Variants in ARGLU1 observed in about 807,000 individuals in gnomAD.
ARGLU1 encodes arginine and glutamate rich 1.
A neutral mutation model predicts 37.6 loss-of-function variants in ARGLU1; 9 were observed. The ratio of observed to expected loss-of-function variants is 0.24; its 90% CI spans 0.14 to 0.42. The LOEUF (loss-of-function observed/expected upper bound fraction) is 0.42. Ranked by LOEUF, ARGLU1 falls within the 10% of genes least tolerant of loss-of-function variation. The pLI is 1.00. For missense variants in ARGLU1, 211 were observed against 359.2 expected, an observed-to-expected ratio of 0.59 and a Z score of 3.34; for synonymous variants, 166 against 138.5, an observed-to-expected ratio of 1.20 and a Z score of -1.39.
chr13:106,545,049 C>T (rs1253023613), intron 3 of ARGLU1, among the ~76,000 whole-genome samples: 1 of 152,310 alleles, frequency 6.6e-6, no homozygotes, highest in East Asian at 1.9e-4. Flanking sequence ...CTTCAATTCT[C>T]AATTCTCAAC....
intron 1 of ARGLU1, among the ~76,000 whole-genome samples, chr13:106,563,407 A>C (rs1488376301): frequency 6.6e-6 from 1 of 152,194 alleles, no homozygotes; most frequent in African/African-American, 2.4e-5. Context: ...TGCCAAAGCT[A>C]ACGATCTCAA....
chr13:106,549,791 A>G lies in ARGLU1; in HGVS notation c.658-5631T>C, dbSNP rs577332279. The stretch of plus-strand genomic sequence containing the variant: ...CTTAGATAATATCTCCATGGATTCC[A>G]TGTTACCTGAAGTGAAGACAACTGT... On this transcript the variant is annotated intron_variant, in intron 3 of 3. Transcript: ENST00000400198. Among the ~76,000 whole-genome samples, 3 of 152,296 alleles carry G rather than the reference A, an allele frequency of 2.0e-5. No homozygotes were observed. The South Asian group carries it at 6.2e-4, about 32-fold the overall frequency.
rs552382773 is a variant in ARGLU1 at position 106,553,124 on chromosome 13, T to C, written c.657+3924A>G. Among the ~76,000 whole-genome samples, 280 of 152,342 alleles carry C rather than the reference T, an allele frequency of 1.8e-3. 1 individual carries two copies. The highest frequency in any genetic ancestry group is 3.0e-3 in the Non-Finnish European group (204 of 68,020). The stretch of plus-strand genomic sequence containing the variant: ...TGTGATAAAAAAAAGTGATATACAT[T>C]ACTTGTAGCATGTAGAAACTGAAGA... On this transcript the variant is annotated intron_variant, in intron 3 of 3. Transcript: ENST00000400198.
intron 3 of ARGLU1, among the ~76,000 whole-genome samples, chr13:106,551,499 A>G (rs1880529273): frequency 6.6e-6 from 1 of 152,208 alleles, no homozygotes; most frequent in Non-Finnish European, 1.5e-5. Context: ...CTTTAAAGGC[A>G]ACATATGCAT....
intron 3 of ARGLU1, among the ~76,000 whole-genome samples, chr13:106,548,266 C>T (rs1880445321): frequency 6.6e-6 from 1 of 152,122 alleles, no homozygotes; most frequent in Non-Finnish European, 1.5e-5. Context: ...TCCTGTTCAT[C>T]CACCACTTGT....
intron 3 of ARGLU1, among the ~76,000 whole-genome samples, chr13:106,556,377 C>A (rs924055911): frequency 6.6e-6 from 1 of 152,150 alleles, no homozygotes; most frequent in African/African-American, 2.4e-5. Context: ...GAAACAACTG[C>A]CCCGTATTAA....
chr13:106,558,302 A>G (rs915746613), intron 2 of ARGLU1: 3 of 984,800 alleles, frequency 3.0e-6, no homozygotes, highest in Non-Finnish European at 3.6e-6. Flanking sequence ...CACTATAAAT[A>G]TAAGCATGTA....
Position 106,552,820 on chromosome 13 carries a change from A to T in ARGLU1, c.657+4228T>A, listed in dbSNP as rs183125778. Among the ~76,000 whole-genome samples the T allele has an allele frequency of 3.9e-5, 6 of 152,350 alleles. No individual in the cohort carries two copies. In the East Asian group the frequency reaches 1.2e-3, roughly 29 times the overall value. ...ATCTGCCAAAAAGCCAAGTCAAGTC[A>T]TATTTGGATGCTTTTACTTTGTAAA... On this transcript the variant is annotated intron_variant, in intron 3 of 3. Transcript: ENST00000400198.
chr13:106,568,062 C>G lies in ARGLU1; in HGVS notation c.-143G>C, dbSNP rs1425299207. The stretch of plus-strand genomic sequence containing the variant: ...GGCCAACGGACTTTATGCCTTTTCC[C>G]GGCGTCTACAGCTGCCACGAAGGCC... On this transcript the variant is annotated 5_prime_UTR_variant, in exon 1 of 4. Coordinates refer to ENST00000400198, the MANE Select transcript of ARGLU1 (RefSeq NM_018011.4). The G allele has an allele frequency of 3.1e-6, 4 of 1,307,894 alleles. No individual in the cohort carries two copies. The East Asian group carries it at 8.6e-5, about 28-fold the overall frequency. The allele number at this position is 1,307,894 out of a possible 1,614,324, so 81.0% of individuals were successfully genotyped here.
chr13:106,558,901 C>A (rs183826518), intron 2 of ARGLU1: 6 of 985,288 alleles, frequency 6.1e-6, no homozygotes, highest in Non-Finnish European at 7.2e-6. Flanking sequence ...TGTGCTGAAG[C>A]AGGGTTTAGG....
At chr13:106,554,392 A>AT (rs1448491627) in intron 3 of ARGLU1, among the ~76,000 whole-genome samples, 2 of 152,156 alleles carry the variant, frequency 1.3e-5, no homozygotes, top group Admixed American at 1.3e-4. Flanking sequence ...GTTTGAATGT[A>AT]TTTTACATAT....
intron 3 of ARGLU1, among the ~76,000 whole-genome samples, chr13:106,554,816 C>T (rs1377767933): frequency 2.0e-5 from 3 of 150,556 alleles, no homozygotes; most frequent in African/African-American, 7.4e-5. Context: ...ATCTGGAAGG[C>T]GGAAGTTGCA....
chr13:106,550,559 G>C (rs1880508529), intron 3 of ARGLU1, among the ~76,000 whole-genome samples: 1 of 152,128 alleles, frequency 6.6e-6, no homozygotes, highest in Admixed American at 6.5e-5. Context: ...TTATAGAAAT[G>C]CTTGCTCTAC....
At chr13:106,544,223 C>T (rs761358571) in intron 3 of ARGLU1, 63 bp from the exon 4 acceptor site, 20 of 1,390,542 alleles carry the variant, frequency 1.4e-5, no homozygotes, top group Non-Finnish European at 1.8e-5. Flanking sequence ...TGTACCCCTG[C>T]AACAGGTGTT....
rs573491268 is a variant in ARGLU1, at chr13:106,567,872, C to T, written c.48G>A (p.Lys16=). The T allele has an allele frequency of 1.1e-4, 172 of 1,612,468 alleles. No individual in the cohort carries two copies. The Middle Eastern group carries it at 2.1e-3, about 20-fold the overall frequency. Residue 16 remains lysine (K), a synonymous_variant, in exon 1 of 4, where the codon AAG becomes AAA. Coordinates refer to ENST00000400198, the MANE Select transcript of ARGLU1 (RefSeq NM_018011.4). This position sits in a 1 kb window ranked among gnomAD's most constrained non-coding sequence, Gnocchi z 4.3. The part of the protein sequence containing the change: ...SRSSSRSKHT[K]SSKHNKKRSR... ...TGCGCTTCTTGTTGTGCTTGCTGCT[C>T]TTGGTGTGCTTGGAGCGGGACGAGC...
Position 106,567,835 on chromosome 13 carries a change from A to C in ARGLU1, c.85T>G (p.Ser29Ala). ...ACGCGCTCCTTGTCCCGGGATCGCG[A>C]CCGGGACCGGCTGCGCTTCTTGTTG... Reference protein sequence around the residue: ...KHNKKRSRSRSRSRDKERVRK... With the variant: ...KHNKKRSRSRARSRDKERVRK... The change falls in exon 1 of 4, where the codon TCG becomes GCG. Residue 29 changes from serine (S) to alanine (A), a missense_variant. Transcript: ENST00000400198. This position sits in a 1 kb window ranked among gnomAD's most constrained non-coding sequence, Gnocchi z 4.3. 3.1e-6 allele frequency: 5 copies of C among 1,613,192 alleles called. No homozygotes were observed. The highest frequency in any genetic ancestry group is 4.2e-6 in the Non-Finnish European group (5 of 1,179,762).
At chr13:106,564,851 T>C (rs1461683849) in intron 1 of ARGLU1, among the ~76,000 whole-genome samples, 1 of 152,204 alleles carries the variant, frequency 6.6e-6, no homozygotes, top group African/African-American at 2.4e-5. Flanking sequence ...TTATCCACTA[T>C]TTAAAAAGTT....
chr13:106,562,990 C>CAA (rs745494550), intron 1 of ARGLU1, among the ~76,000 whole-genome samples: 1,787 of 67,036 alleles, frequency 0.027, 80 homozygotes, highest in Non-Finnish European at 0.032. Flanking sequence ...GACCCTGTCT[C>CAA]AAAAAAAAAA....
rs975491281 is a variant in ARGLU1, at chr13:106,567,722, G to C, written c.198C>G (p.Ser66=). 1.2e-6 allele frequency: 2 copies of C among 1,612,110 alleles called. No individual in the cohort carries two copies. The highest frequency in any genetic ancestry group is 2.7e-5 in the African/African-American group (2 of 74,742). ...CGCGCTCCCGGTCCCGCTCGCGCCG[G>C]GACACGGCCGTGTTGGTGGAGCGCG... ...SRSRSTNTAV[S]RRERDRERAS... Residue 66 remains serine (S), a synonymous_variant, in exon 1 of 4, where the codon TCC becomes TCG. Transcript: ENST00000400198. The surrounding 1 kb of genome is among the most constrained non-coding windows in gnomAD (Gnocchi z 4.3).
Sources: gnomAD v4.1 joint callset for allele counts (sites outside exome capture counted in the v4.1 genomes callset) on GRCh38, gnomAD v4.1.1 for gene constraint, Gnocchi (gnomAD v3.1) non-coding constraint, MANE v1.5 for transcripts, NCBI Gene and HGNC (gene_info 2026-07-23, HGNC 2026-07-21) for gene names.